Variants in SYNRG observed in about 807,000 individuals in gnomAD.
The protein encoded by SYNRG is synergin gamma.
Under a neutral mutation model 130.9 loss-of-function variants are expected in SYNRG, and 37 were observed. The observed-to-expected ratio is 0.28, with a 90% CI of 0.22 to 0.37. The LOEUF (loss-of-function observed/expected upper bound fraction) is 0.37, where lower values mean the gene tolerates loss of function less well. Ranked by LOEUF, SYNRG falls within the 10% of genes least tolerant of loss-of-function variation. The pLI is 1.00. For synonymous variants in SYNRG, 539 were observed against 568.1 expected (o/e 0.95, Z 0.73); for missense variants, 1,338 against 1,588.9 (o/e 0.84, Z 2.68).
chr17:37,571,744 T>G, intron 9 of SYNRG, 47 bp downstream of exon 9: 1 of 1,530,842 alleles, frequency 6.5e-7, no homozygotes, highest in Non-Finnish European at 8.9e-7. Context: ...ATCCTTGCAA[T>G]TTATATTAAT....
chr17:37,532,888 C>T (rs2056782850), intron 19 of SYNRG, among the ~76,000 whole-genome samples: 1 of 152,134 alleles, frequency 6.6e-6, no homozygotes, highest in Non-Finnish European at 1.5e-5. Flanking sequence ...TACTACACCT[C>T]CTAGTTTACA....
chr17:37,520,836 AC>A (rs1469304134), intron 19 of SYNRG, among the ~76,000 whole-genome samples, 188 bp from the exon 20 acceptor site: 2 of 152,002 alleles, frequency 1.3e-5, no homozygotes, highest in Non-Finnish European at 2.9e-5. Context: ...GAAGGCCGGC[AC>A]CAGTACAACA....
intron 13 of SYNRG, 121 bp downstream of exon 13, chr17:37,561,074 C>T (rs1321474404): frequency 6.2e-6 from 5 of 808,292 alleles, no homozygotes; most frequent in Admixed American, 2.6e-5. Context: ...CAGTTTTTTT[C>T]TCCTAAACAC....
Position 37,535,966 on chromosome 17 carries a change from C to T in SYNRG, c.3666+13G>A, listed in dbSNP as rs763432413. ...GAAAGGAAAGCAACTGCTGAGTTGT[C>T]TCATGGGCTTACTGTGAGTGTGGCG... On this transcript the variant is annotated intron_variant, in intron 19 of 21. Transcript: ENST00000612223. 1.2e-6 allele frequency: 2 copies of T among 1,613,356 alleles called. No individual in the cohort carries two copies. The highest frequency in any genetic ancestry group is 1.7e-6 in the Non-Finnish European group (2 of 1,180,034).
intron 7 of SYNRG, 50 bp from the exon 8 acceptor site, chr17:37,576,468 C>G: frequency 6.6e-7 from 1 of 1,522,658 alleles, no homozygotes; most frequent in Non-Finnish European, 9.0e-7. Context: ...GAGAAGATGG[C>G]GAAATCACAC....
chr17:37,524,463 AG>A (rs2055570524), intron 19 of SYNRG, among the ~76,000 whole-genome samples: 1 of 152,288 alleles, frequency 6.6e-6, no homozygotes, highest in African/African-American at 2.4e-5. Context: ...AGGGGAAGGA[AG>A]AACACACGGT....
At chr17:37,531,784 GA>G (rs879659367) in intron 19 of SYNRG, among the ~76,000 whole-genome samples, 2,135 of 132,642 alleles carry the variant, frequency 0.016, 37 homozygotes, top group Admixed American at 0.044. Flanking sequence ...GTCTAAAAAA[GA>G]AAAAAAAAAA....
At chr17:37,589,347 G>C (rs753941800) in intron 3 of SYNRG, among the ~76,000 whole-genome samples, 3 of 152,110 alleles carry the variant, frequency 2.0e-5, no homozygotes, top group Non-Finnish European at 4.4e-5. Context: ...ACTGATGCAA[G>C]GAAAGACAGA....
rs773223157 is a variant in SYNRG, at chr17:37,542,506, T to A, written c.2668A>T (p.Thr890Ser). 1.2e-6 allele frequency: 2 copies of A among 1,613,466 alleles called. No homozygotes were observed. The highest frequency in any genetic ancestry group is 3.3e-5 in the Admixed American group (2 of 60,028). Residue 890 changes from threonine to serine, a missense_variant, in exon 15 of 22, where the codon ACA becomes TCA. This residue lies in a region of SYNRG where 1,146 missense variants were observed against 1,342.3 expected (regional missense o/e 0.85). Transcript: ENST00000612223. ...TCTGACCAGTCATAGCTTGTAAGTG[T>A]GCTCACTGCAAAATTGCTACTGTAG... is the stretch of plus-strand genomic sequence containing the variant. ...GSYSSNFAVS[T>S]LTSYDWSDRD...
At chr17:37,526,984 T>A (rs1050105120) in intron 19 of SYNRG, among the ~76,000 whole-genome samples, 3 of 152,176 alleles carry the variant, frequency 2.0e-5, no homozygotes, top group African/African-American at 4.8e-5. Context: ...AAAGATCCTG[T>A]CTCTAAAACA....
At chr17:37,563,994 C>T (rs142020692) in intron 11 of SYNRG, among the ~76,000 whole-genome samples, 11,568 of 151,976 alleles carry the variant, frequency 0.076, 629 homozygotes, top group Non-Finnish European at 0.12. Flanking sequence ...CAGGCACACA[C>T]CACCAGGCCT....
At chr17:37,543,394 T>C (rs946024761) in intron 14 of SYNRG, among the ~76,000 whole-genome samples, 26 of 152,140 alleles carry the variant, frequency 1.7e-4, no homozygotes, top group African/African-American at 6.0e-4. Context: ...ATTCTTAATA[T>C]ATAGTTAAGT....
chr17:37,600,256 A>G, intron 2 of SYNRG, 107 bp downstream of exon 2: 1 of 973,738 alleles, frequency 1.0e-6, no homozygotes, highest in Non-Finnish European at 1.5e-6. Context: ...AGAAAATTTT[A>G]CTCTATTCAG....
chr17:37,580,296 CTTTT>C (rs111270719), intron 6 of SYNRG, among the ~76,000 whole-genome samples: 2 of 138,320 alleles, frequency 1.4e-5, no homozygotes, highest in African/African-American at 2.8e-5. Flanking sequence ...TACAAAAGAA[CTTTT>C]TTTTTTTTTT....
At chr17:37,600,492 G>A (rs770046320) in intron 1 of SYNRG, 89 bp from the exon 2 acceptor site, 10 of 1,271,352 alleles carry the variant, frequency 7.9e-6, no homozygotes, top group Admixed American at 1.9e-5. Flanking sequence ...TAAAAGACTT[G>A]TAGATGGGAC....
chr17:37,529,201 C>T (rs1333072732), intron 19 of SYNRG, among the ~76,000 whole-genome samples: 2 of 152,146 alleles, frequency 1.3e-5, no homozygotes, highest in Non-Finnish European at 2.9e-5. Context: ...TTTGTTTACA[C>T]TAAAGGAGTA....
At chr17:37,609,028 C>T (rs1465689194) in intron 1 of SYNRG, among the ~76,000 whole-genome samples, 1 of 149,982 alleles carries the variant, frequency 6.7e-6, no homozygotes, top group East Asian at 2.0e-4. Flanking sequence ...CTCTCCCCTC[C>T]CACACTGGGC....
At chr17:37,522,051 A>G (rs12453417) in intron 19 of SYNRG, among the ~76,000 whole-genome samples, 17,738 of 151,896 alleles carry the variant, frequency 0.12, 1,082 homozygotes, top group Middle Eastern at 0.16. Flanking sequence ...GTCACCAGCT[A>G]AAGACCATAA....
chr17:37,534,067 GGGGATTAC>G (rs2056954175), intron 19 of SYNRG, among the ~76,000 whole-genome samples: 1 of 148,854 alleles, frequency 6.7e-6, no homozygotes, highest in Admixed American at 6.8e-5. Context: ...CCTGAGTAGT[GGGGATTAC>G]AGGCACCCGC....
Sources: allele counts gnomAD v4.1 joint callset (sites outside exome capture counted in the v4.1 genomes callset), GRCh38; gene constraint gnomAD v4.1.1; regional missense constraint gnomAD v4.1.1; transcripts MANE v1.5; gene names NCBI Gene and HGNC (gene_info 2026-07-23, HGNC 2026-07-21).